The following TMEM132D variants were observed in gnomAD, a reference collection of about 807,000 sequenced individuals.
TMEM132D encodes the protein mature OL transmembrane protein.
TMEM132D carries 21 observed loss-of-function variants against 62.3 expected under a neutral mutation model. The observed-to-expected ratio is 0.34, with a 90% CI of 0.24 to 0.49. TMEM132D has a LOEUF of 0.49. TMEM132D is among the 20% of genes least tolerant of loss of function. The pLI, the probability that TMEM132D is intolerant of heterozygous loss-of-function variation, is 0.99. For missense variants in TMEM132D, 1,346 were observed against 1,402.8 expected (o/e 0.96, Z 0.65); for synonymous variants, 621 against 575.6 (o/e 1.08, Z -1.13).
intron 2 of TMEM132D, among the ~76,000 whole-genome samples, chr12:129,671,980 C>G (rs1413272040): frequency 6.6e-6 from 1 of 152,166 alleles, no homozygotes; most frequent in Non-Finnish European, 1.5e-5. Context: ...TGAGCCTGGC[C>G]GCTGCAGACC....
intron 4 of TMEM132D, among the ~76,000 whole-genome samples, chr12:129,242,493 T>G (rs1879963442): frequency 6.6e-6 from 1 of 152,206 alleles, no homozygotes; most frequent in African/African-American, 2.4e-5. Context: ...GCTTTTATTT[T>G]CAATATTTTT....
At position 129,700,482 on chromosome 12, in the gene TMEM132D, G is replaced by A. The variant is rs1881360223; in HGVS notation, c.296C>T (p.Pro99Leu). 6.2e-7 allele frequency: 1 copy of A among 1,614,182 alleles called. No homozygotes were observed. Among genetic ancestry groups the A allele is most frequent in the Non-Finnish European group, 8.5e-7 (1 of 1,180,042 alleles). ...RLPVLNASYGPFSIEQVVPQD... is the reference protein window; with the variant it reads ...RLPVLNASYGLFSIEQVVPQD... ...GGGCACCACTTGCTCGATGGAGAAAGGCCCGTAGCTGGCATTGAGGACAGG... is the reference window on the plus strand; with the variant it reads ...GGGCACCACTTGCTCGATGGAGAAAAGCCCGTAGCTGGCATTGAGGACAGG... Residue 99 changes from proline (P) to leucine (L), a missense_variant, in exon 2 of 9, where the codon CCT (proline) becomes CTT (leucine). By Grantham distance (98) the Pro-to-Leu change is moderately conservative (BLOSUM62 -3). Coordinates refer to ENST00000422113, the MANE Select transcript of TMEM132D (RefSeq NM_133448.3).
At chr12:129,429,471 G>A (rs929926580) in intron 3 of TMEM132D, among the ~76,000 whole-genome samples, 3 of 152,154 alleles carry the variant, frequency 2.0e-5, no homozygotes, top group African/African-American at 7.2e-5. Context: ...CCCCCAGGGA[G>A]CTGGTGCCTT....
chr12:129,501,647 G>T (rs1317894170), intron 3 of TMEM132D, among the ~76,000 whole-genome samples: 1 of 152,030 alleles, frequency 6.6e-6, no homozygotes, highest in Non-Finnish European at 1.5e-5. Context: ...TGGGCCTATA[G>T]ATGCACACCA....
At chr12:129,309,472 C>G (rs1273663508) in intron 4 of TMEM132D, among the ~76,000 whole-genome samples, 1 of 152,056 alleles carries the variant, frequency 6.6e-6, no homozygotes, top group Non-Finnish European at 1.5e-5. Flanking sequence ...TAATAATACA[C>G]AAGGGAGTGG....
intron 4 of TMEM132D, among the ~76,000 whole-genome samples, chr12:129,311,199 A>C (rs1881967058): frequency 4.9e-5 from 1 of 20,586 alleles, no homozygotes; most frequent in African/African-American, 9.1e-5. Flanking sequence ...CTCCGTCTCA[A>C]AAAAAAAAAA....
At chr12:129,225,076 T>C (rs1879446385) in intron 4 of TMEM132D, among the ~76,000 whole-genome samples, 1 of 152,212 alleles carries the variant, frequency 6.6e-6, no homozygotes, top group Non-Finnish European at 1.5e-5. Flanking sequence ...CTATGCCTAC[T>C]AGCTCTGTGA....
intron 4 of TMEM132D, among the ~76,000 whole-genome samples, chr12:129,263,104 G>A (rs1357401881): frequency 2.0e-5 from 3 of 152,136 alleles, no homozygotes; most frequent in Admixed American, 2.0e-4. Context: ...TTTGTCTAAA[G>A]GCCAGAGCTC....
chr12:129,432,445 G>C (rs965854909), intron 3 of TMEM132D, among the ~76,000 whole-genome samples: 1 of 152,204 alleles, frequency 6.6e-6, no homozygotes, highest in Admixed American at 6.5e-5. Context: ...GTTCAATGCT[G>C]CATCTACAAG....
At chr12:129,355,876 G>C (rs1207758493) in intron 3 of TMEM132D, among the ~76,000 whole-genome samples, 1 of 152,200 alleles carries the variant, frequency 6.6e-6, no homozygotes, top group East Asian at 1.9e-4. Flanking sequence ...CCCTCACGCA[G>C]AGTCCGATGC....
chr12:129,266,845 A>G (rs1265146332), intron 4 of TMEM132D, among the ~76,000 whole-genome samples: 3 of 152,248 alleles, frequency 2.0e-5, no homozygotes, highest in Middle Eastern at 3.4e-3. Flanking sequence ...CACCCAAATT[A>G]AAAGAATCAT....
intron 1 of TMEM132D, among the ~76,000 whole-genome samples, chr12:129,879,665 T>C (rs1473788214): frequency 6.6e-6 from 1 of 151,878 alleles, no homozygotes; most frequent in Non-Finnish European, 1.5e-5. Context: ...ACTAAGAAAA[T>C]GCCAACAGAA....
chr12:129,089,541 ATGACCGGGTGTCCTCCC>A (rs1874833103), intron 5 of TMEM132D, among the ~76,000 whole-genome samples: 3 of 58,480 alleles, frequency 5.1e-5, no homozygotes, highest in Non-Finnish European at 1.1e-4. Flanking sequence ...GGTGTCCTCC[ATGACCGGGTGTCCTCCC>A]TGACTGAGGT....
intron 2 of TMEM132D, among the ~76,000 whole-genome samples, chr12:129,611,106 CCTTT>C (rs950433548): frequency 3.9e-5 from 6 of 152,182 alleles, no homozygotes; most frequent in Admixed American, 6.5e-5. Flanking sequence ...TCACTGCCTT[CCTTT>C]CTTTTTCTTC....
At position 129,379,405 on chromosome 12, in the gene TMEM132D, C is replaced by T. The variant is rs549945579; in HGVS notation, c.1116-41588G>A. On this transcript the variant is annotated intron_variant, in intron 3 of 8. Transcript: ENST00000422113. ...AAAGATGTCTCTGTCCGTAGCAAGACATCTGGACTGATAATAACTGGGAAA... is the reference window on the plus strand; with the variant it reads ...AAAGATGTCTCTGTCCGTAGCAAGATATCTGGACTGATAATAACTGGGAAA... Among the ~76,000 whole-genome samples, 67 of 152,294 alleles carry T rather than the reference C, an allele frequency of 4.4e-4. 1 individual carries two copies. The South Asian group carries it at 0.013, about 31-fold the overall frequency.
At chr12:129,208,343 G>T (rs1421684526) in intron 5 of TMEM132D, among the ~76,000 whole-genome samples, 1 of 152,192 alleles carries the variant, frequency 6.6e-6, no homozygotes, top group Non-Finnish European at 1.5e-5. Context: ...AAGTTGTCCT[G>T]TGCTGATGTG....
At chr12:129,285,407 A>G (rs112188173) in intron 4 of TMEM132D, among the ~76,000 whole-genome samples, 10,130 of 151,532 alleles carry the variant, frequency 0.067, 387 homozygotes, top group Non-Finnish European at 0.077. Flanking sequence ...CATGCCTGTA[A>G]TCCCAGCGAC....
At chr12:129,734,909 C>G (rs7136543) in intron 1 of TMEM132D, among the ~76,000 whole-genome samples, 27,201 of 151,868 alleles carry the variant, frequency 0.18, 2,684 homozygotes, top group South Asian at 0.36. Flanking sequence ...AACAAAGGAA[C>G]TGGAACTATA....
chr12:129,786,628 C>T (rs1248656637), intron 1 of TMEM132D, among the ~76,000 whole-genome samples: 5 of 152,268 alleles, frequency 3.3e-5, no homozygotes, highest in Non-Finnish European at 7.3e-5. Flanking sequence ...TGATAGCTCA[C>T]GCCTGTAACC....
Sources: allele counts gnomAD v4.1 joint callset (sites outside exome capture counted in the v4.1 genomes callset), GRCh38; gene constraint gnomAD v4.1.1; transcripts MANE v1.5; gene names NCBI Gene and HGNC (gene_info 2026-07-23, HGNC 2026-07-21).